The following PPFIA1 variants were observed in gnomAD, a reference collection of about 807,000 sequenced individuals.
PPFIA1 encodes the protein PPFI scaffold protein A1, also known as liprin-alpha-1.
A neutral mutation model predicts 149.9 loss-of-function variants in PPFIA1; 25 were observed. The ratio of observed to expected loss-of-function variants is 0.17; its 90% CI spans 0.12 to 0.23. The LOEUF (loss-of-function observed/expected upper bound fraction) is 0.23, where lower values mean the gene tolerates loss of function less well. Ranked by LOEUF, PPFIA1 falls within the 10% of genes least tolerant of loss-of-function variation. PPFIA1 has a pLI of 1.00. For synonymous variants in PPFIA1, 549 were observed against 552.8 expected, an observed-to-expected ratio of 0.99 and a Z score of 0.10; for missense variants, 1,362 against 1,506.5, an observed-to-expected ratio of 0.90 and a Z score of 1.59.
At chr11:70,367,384 C>G (rs965869006) in intron 21 of PPFIA1, 3 of 384,086 alleles carry the variant, frequency 7.8e-6, no homozygotes, top group Non-Finnish European at 1.6e-5. Context: ...CCATTTATAC[C>G]TCATTTAACA....
intron 15 of PPFIA1, 105 bp downstream of exon 15, chr11:70,343,997 A>G: frequency 2.0e-6 from 2 of 986,278 alleles, no homozygotes; most frequent in Non-Finnish European, 1.5e-6. Flanking sequence ...TTTTCTAAGT[A>G]TTACATAATA....
intron 11 of PPFIA1, 32 bp from the exon 12 acceptor site, chr11:70,337,333 G>A: frequency 6.8e-7 from 1 of 1,459,880 alleles, no homozygotes. Flanking sequence ...ACATTTTAAA[G>A]AAACACTAAA....
chr11:70,348,231 G>A lies in PPFIA1; in HGVS notation c.1974G>A (p.Glu658=). ...AAGAAAATACAGAGCAGCGGGCAGA[G>A]GAGATTGAAAGTCGAGTTGGCAGTG... The part of the protein sequence containing the change: ...EEKENTEQRA[E]EIESRVGSGS... Residue 658 remains glutamate, a synonymous_variant, in exon 16 of 28, where the codon GAG becomes GAA. Coordinates refer to ENST00000253925, the MANE Select transcript of PPFIA1 (RefSeq NM_003626.5). 6.2e-7 allele frequency: 1 copy of A among 1,614,214 alleles called. No homozygotes were observed. Among genetic ancestry groups the A allele is most frequent in the Non-Finnish European group, 8.5e-7 (1 of 1,180,036 alleles).
chr11:70,351,126 T>C (rs1039414216), intron 16 of PPFIA1: 1 of 550,368 alleles, frequency 1.8e-6, no homozygotes. Flanking sequence ...TGTATAATAA[T>C]GAATGGTTGG....
intron 2 of PPFIA1, among the ~76,000 whole-genome samples, chr11:70,291,914 G>T (rs1188817530): frequency 6.9e-6 from 1 of 144,486 alleles, no homozygotes; most frequent in African/African-American, 2.6e-5. Context: ...CTCGGCTCAC[G>T]GCAACCTCCG....
At chr11:70,301,616 G>A (rs1027164087) in intron 2 of PPFIA1, among the ~76,000 whole-genome samples, 1 of 152,180 alleles carries the variant, frequency 6.6e-6, no homozygotes, top group Non-Finnish European at 1.5e-5. Context: ...CTAGCATATA[G>A]CACCTTAGAA....
intron 26 of PPFIA1, among the ~76,000 whole-genome samples, chr11:70,380,339 G>A (rs1041725811): frequency 2.6e-5 from 4 of 151,982 alleles, no homozygotes; most frequent in African/African-American, 7.3e-5. Flanking sequence ...AGGCCAAGGC[G>A]GGAGGATCAC....
At chr11:70,366,205 T>C (rs1319678886) in intron 21 of PPFIA1, among the ~76,000 whole-genome samples, 1 of 152,234 alleles carries the variant, frequency 6.6e-6, no homozygotes, top group Non-Finnish European at 1.5e-5. Context: ...TTTTAATTAA[T>C]ATAGATTGCT....
At chr11:70,306,866 C>G (rs2052889578) in intron 2 of PPFIA1, among the ~76,000 whole-genome samples, 2 of 152,200 alleles carry the variant, frequency 1.3e-5, no homozygotes, top group African/African-American at 4.8e-5. Context: ...AAAAAAACCC[C>G]TGAGCCTTCT....
chr11:70,312,843 A>G (rs930670135), intron 2 of PPFIA1, among the ~76,000 whole-genome samples: 7 of 152,144 alleles, frequency 4.6e-5, no homozygotes, highest in African/African-American at 1.7e-4. Flanking sequence ...TTTTCAGAGT[A>G]GAGTGGGGAA....
At chr11:70,353,217 A>G (rs1292622638) in intron 16 of PPFIA1, among the ~76,000 whole-genome samples, 1 of 152,144 alleles carries the variant, frequency 6.6e-6, no homozygotes, top group Non-Finnish European at 1.5e-5. Flanking sequence ...TAAGAAGCAG[A>G]AATTCAAACT....
intron 21 of PPFIA1, among the ~76,000 whole-genome samples, chr11:70,369,494 T>C (rs1300343844): frequency 1.6e-4 from 24 of 152,178 alleles, no homozygotes; most frequent in Non-Finnish European, 8.8e-5. Flanking sequence ...AGATAAGGTG[T>C]TTCAAACTTT....
At chr11:70,295,562 A>AC (rs1244563087) in intron 2 of PPFIA1, among the ~76,000 whole-genome samples, 23 of 87,918 alleles carry the variant, frequency 2.6e-4, no homozygotes, top group Non-Finnish European at 3.9e-4. Flanking sequence ...CGGGGGGCTG[A>AC]CCCCCCCACC....
chr11:70,326,917 ATTACTTTCAACC>A, intron 7 of PPFIA1, 99 bp downstream of exon 7: 2 of 969,800 alleles, frequency 2.1e-6, no homozygotes, highest in Non-Finnish European at 3.1e-6. Flanking sequence ...TACTCTCCCA[ATTACTTTCAACC>A]TTTGGATTAT....
chr11:70,354,960 A>G (rs2056277955), intron 17 of PPFIA1, among the ~76,000 whole-genome samples: 1 of 151,854 alleles, frequency 6.6e-6, no homozygotes, highest in African/African-American at 2.4e-5. Context: ...TTTTTGAGAT[A>G]GAGTCTTGCT....
At chr11:70,280,683 TC>T (rs1252957608) in intron 2 of PPFIA1, among the ~76,000 whole-genome samples, 19 of 152,316 alleles carry the variant, frequency 1.2e-4, no homozygotes, top group African/African-American at 4.3e-4. Context: ...TCCTTCTGCC[TC>T]AGCCTTCTGA....
chr11:70,291,482 C>A (rs1363282971), intron 2 of PPFIA1, among the ~76,000 whole-genome samples: 4 of 152,120 alleles, frequency 2.6e-5, no homozygotes, highest in Admixed American at 2.6e-4. Context: ...ACTTAGCAGC[C>A]CTGTGGCTCA....
chr11:70,293,205 T>C (rs2051653535), intron 2 of PPFIA1, among the ~76,000 whole-genome samples: 1 of 152,258 alleles, frequency 6.6e-6, no homozygotes, highest in Non-Finnish European at 1.5e-5. Context: ...GCTCATCTAA[T>C]TCTGTTCCTA....
chr11:70,351,571 T>G (rs1319612181), intron 16 of PPFIA1, among the ~76,000 whole-genome samples: 1 of 152,242 alleles, frequency 6.6e-6, no homozygotes, highest in East Asian at 1.9e-4. Context: ...AAATCTGAAA[T>G]GCTCCATTGA....
Sources: allele counts gnomAD v4.1 joint callset (sites outside exome capture counted in the v4.1 genomes callset), GRCh38; gene constraint gnomAD v4.1.1; transcripts MANE v1.5; gene names NCBI Gene and HGNC (gene_info 2026-07-23, HGNC 2026-07-21).